EIF2AK1: variants seen among roughly 807,000 people sequenced by gnomAD.
EIF2AK1 encodes eukaryotic translation initiation factor 2-alpha kinase 1.
Under a neutral mutation model 77.9 loss-of-function variants are expected in EIF2AK1, and 54 were observed. That is an observed-to-expected ratio of 0.69 (90% CI 0.56 to 0.87). The LOEUF is 0.87. Ranked by LOEUF, EIF2AK1 falls within the 40% of genes least tolerant of loss-of-function variation. EIF2AK1 has a pLI of 0.00. For synonymous variants in EIF2AK1, 314 were observed against 290.5 expected (o/e 1.08, Z -0.82); for missense variants, 810 against 768.6 (o/e 1.05, Z -0.64).
Position 6,043,000 on chromosome 7 carries a change from G to A in EIF2AK1, c.731-7C>T. 2 of 1,613,940 alleles carry A rather than the reference G, an allele frequency of 1.2e-6. No homozygotes were observed. The highest frequency in any genetic ancestry group is 4.5e-5 in the East Asian group (2 of 44,874). Reference sequence around the variant, plus strand: ...TCAATGGCAGCTCTGTCTGCTGAATGAAAACAAACAACAATCATCTTCAAA... The same window carrying A: ...TCAATGGCAGCTCTGTCTGCTGAATAAAAACAAACAACAATCATCTTCAAA... On this transcript the variant is annotated splice_polypyrimidine_tract_variant and splice_region_variant and intron_variant, in intron 7 of 14. Coordinates refer to ENST00000199389, the MANE Select transcript of EIF2AK1 (RefSeq NM_014413.4).
At chr7:6,044,687 G>A (rs928547968) in intron 6 of EIF2AK1, 26 bp from the exon 7 acceptor site, 1 of 1,589,124 alleles carries the variant, frequency 6.3e-7, no homozygotes, top group Non-Finnish European at 8.6e-7. Context: ...AAGTAGATCT[G>A]CCTTTTGCTG....
chr7:6,034,477 T>C (rs981499227), intron 11 of EIF2AK1, among the ~76,000 whole-genome samples: 1 of 152,014 alleles, frequency 6.6e-6, no homozygotes, highest in African/African-American at 2.4e-5. Context: ...CCATTCTCCT[T>C]AGGGGACCCT....
intron 11 of EIF2AK1, chr7:6,031,605 T>C: frequency 2.6e-6 from 4 of 1,550,140 alleles, no homozygotes; most frequent in Non-Finnish European, 3.5e-6. Flanking sequence ...CCCTCTTTTC[T>C]GCTCAGTCAC....
chr7:6,043,800 T>C (rs1030072578), intron 7 of EIF2AK1, among the ~76,000 whole-genome samples: 2 of 152,030 alleles, frequency 1.3e-5, no homozygotes, highest in Non-Finnish European at 2.9e-5. Context: ...ATTTTATTTA[T>C]TGATATTTAA....
intron 5 of EIF2AK1, 28 bp downstream of exon 5, chr7:6,046,964 A>G (rs1583493453): frequency 6.6e-7 from 1 of 1,519,528 alleles, no homozygotes; most frequent in East Asian, 2.3e-5. Context: ...TTAGGGTAGT[A>G]GGTCAAAACA....
At chr7:6,029,997 A>G (rs1395720160) in intron 11 of EIF2AK1, among the ~76,000 whole-genome samples, 1 of 149,786 alleles carries the variant, frequency 6.7e-6, no homozygotes, top group Non-Finnish European at 1.5e-5. Context: ...AGAAAAGAAA[A>G]GAAACGACTG....
At chr7:6,058,759 G>A (rs113574967) in intron 1 of EIF2AK1, among the ~76,000 whole-genome samples, 32 of 152,336 alleles carry the variant, frequency 2.1e-4, no homozygotes, top group Middle Eastern at 3.4e-3. Context: ...AGGAGGGAGA[G>A]GCAGACGTTC....
chr7:6,033,247 G>C lies in EIF2AK1; in HGVS notation c.1332+4177C>G, dbSNP rs1192378655. On this transcript the variant is annotated intron_variant, in intron 11 of 14. Coordinates refer to ENST00000199389, the MANE Select transcript of EIF2AK1 (RefSeq NM_014413.4). The surrounding 1 kb of genome is among the most constrained non-coding windows in gnomAD (Gnocchi z 4.4). ...GCCTCCCAAAGTGCTGGGATTAACA[G>C]CCCTCAGCCACAGCACCCAGCTTCA... Among the ~76,000 whole-genome samples, 4 of 152,120 alleles carry C rather than the reference G, an allele frequency of 2.6e-5. No individual in the cohort carries two copies. Among genetic ancestry groups the C allele is most frequent in the Non-Finnish European group, 5.9e-5 (4 of 68,008 alleles).
chr7:6,026,045 C>A (rs1787736299), intron 14 of EIF2AK1, among the ~76,000 whole-genome samples: 4 of 151,970 alleles, frequency 2.6e-5, no homozygotes. Flanking sequence ...TGCAGCCGGA[C>A]CCCCACGCCA....
chr7:6,042,901 G>A (rs754670135), intron 8 of EIF2AK1, 32 bp downstream of exon 8: 4 of 1,580,010 alleles, frequency 2.5e-6, no homozygotes, highest in Non-Finnish European at 3.5e-6. Flanking sequence ...CAGGTGACAA[G>A]AGGTAATGTC....
At position 6,035,330 on chromosome 7, in the gene EIF2AK1, A is replaced by T; in HGVS notation, c.1332+2094T>A. On this transcript the variant is annotated intron_variant, in intron 11 of 14. Coordinates refer to ENST00000199389, the MANE Select transcript of EIF2AK1 (RefSeq NM_014413.4). This position sits in a 1 kb window ranked among gnomAD's most constrained non-coding sequence, Gnocchi z 5.5. ...ATACAGATTTTGAAACACGTCCTTAAGGTAATTGAAGGGTCTTACTTTAAA... is the reference window on the plus strand; with the variant it reads ...ATACAGATTTTGAAACACGTCCTTATGGTAATTGAAGGGTCTTACTTTAAA... 1 of 1,030,570 alleles carries T rather than the reference A, an allele frequency of 9.7e-7. No individual in the cohort carries two copies. Among genetic ancestry groups the T allele is most frequent in the Non-Finnish European group, 1.4e-6 (1 of 718,534 alleles). 63.8% of individuals were successfully genotyped at this position (1,030,570 alleles called of 1,614,324 possible). A position where few individuals can be genotyped will look rare whatever the true frequency, so the allele number is the denominator to read the frequency against.
At position 6,031,625 on chromosome 7, in the gene EIF2AK1, A is replaced by G. The variant is rs112664737; in HGVS notation, c.1333-2593T>C. The G allele has an allele frequency of 4.1e-5, 64 of 1,544,864 alleles. No individual in the cohort carries two copies. The African/African-American group carries it at 5.5e-4, about 13-fold the overall frequency. Reference sequence around the variant, plus strand: ...TTTTCTGCTCAGTCACTTCTGGAAAAAAGTCAGGCTGCTTAGAAAGAAGCA... The same window carrying G: ...TTTTCTGCTCAGTCACTTCTGGAAAGAAGTCAGGCTGCTTAGAAAGAAGCA... On this transcript the variant is annotated intron_variant, in intron 11 of 14. Transcript: ENST00000199389.
chr7:6,048,982 T>C (rs1386454724), intron 3 of EIF2AK1, 138 bp from the exon 4 acceptor site: 2 of 598,134 alleles, frequency 3.3e-6, no homozygotes, highest in Non-Finnish European at 5.8e-6. Flanking sequence ...TCAGTATTAC[T>C]TAAGAGTTTA....
At chr7:6,048,764 C>A (rs1788514940) in intron 4 of EIF2AK1, 43 bp downstream of exon 4, 13 of 1,450,536 alleles carry the variant, frequency 9.0e-6, no homozygotes, top group South Asian at 2.6e-5. Flanking sequence ...ATTTTGATTT[C>A]TTTTCAATAG....
chr7:6,045,077 C>A (rs1788407617), intron 6 of EIF2AK1, among the ~76,000 whole-genome samples: 1 of 150,570 alleles, frequency 6.6e-6, no homozygotes, highest in African/African-American at 2.4e-5. Flanking sequence ...CTCCTCTGTA[C>A]AAGGCATCTA....
rs140173098 is a variant in EIF2AK1, at chr7:6,032,824, G to C, written c.1333-3792C>G. The C allele has an allele frequency of 1.6e-4, 245 of 1,546,932 alleles. No individual in the cohort carries two copies. Among genetic ancestry groups the C allele is most frequent in the Admixed American group, 4.7e-4 (24 of 50,954 alleles). On this transcript the variant is annotated intron_variant, in intron 11 of 14. Transcript: ENST00000199389. The surrounding 1 kb of genome is among the most constrained non-coding windows in gnomAD (Gnocchi z 4.3). ...CACAGGGCCACTTGTAATGTGTTTTGTTTTCCCTCCAAAGCCGACAGAGTC... is the reference window on the plus strand; with the variant it reads ...CACAGGGCCACTTGTAATGTGTTTTCTTTTCCCTCCAAAGCCGACAGAGTC...
At chr7:6,049,634 T>C (rs562351937) in intron 3 of EIF2AK1, 7 of 245,626 alleles carry the variant, frequency 2.8e-5, no homozygotes, top group Admixed American at 1.2e-4. Flanking sequence ...TCTCTTTTTT[T>C]TTTTTTTTTT....
chr7:6,056,613 A>AAAAAAAAAAAAAAAAAAT, intron 1 of EIF2AK1, among the ~76,000 whole-genome samples: 1 of 43,730 alleles, frequency 2.3e-5, no homozygotes, highest in African/African-American at 8.2e-5. Flanking sequence ...AAAAAAAAAA[A>AAAAAAAAAAAAAAAAAAT]ATATATATAT....
intron 11 of EIF2AK1, among the ~76,000 whole-genome samples, chr7:6,030,223 C>G (rs890023611): frequency 6.6e-6 from 1 of 151,994 alleles, no homozygotes; most frequent in Non-Finnish European, 1.5e-5. Flanking sequence ...CAAACTTAAG[C>G]GGGAAAGGGA....
Sources: allele counts gnomAD v4.1 joint callset (sites outside exome capture counted in the v4.1 genomes callset), GRCh38; gene constraint gnomAD v4.1.1; non-coding constraint Gnocchi (gnomAD v3.1); transcripts MANE v1.5; gene names NCBI Gene and HGNC (gene_info 2026-07-23, HGNC 2026-07-21).